The following AGAP1 variants were observed in gnomAD, a reference collection of about 807,000 sequenced individuals.
AGAP1 encodes ArfGAP with GTPase domain, ankyrin repeat and PH domain 1.
Under a neutral mutation model 105.3 loss-of-function variants are expected in AGAP1, and 29 were observed. The ratio of observed to expected loss-of-function variants is 0.28; its 90% CI spans 0.21 to 0.38. The LOEUF is 0.38. Among genes scored for constraint, AGAP1 ranks in the 10% least tolerant of loss-of-function variants. The pLI, the probability that AGAP1 is intolerant of heterozygous loss-of-function variation, is 1.00. For missense variants in AGAP1, 998 were observed against 1,165.1 expected (o/e 0.86, Z 2.09); for synonymous variants, 509 against 485.9 (o/e 1.05, Z -0.63).
rs1440010568 is a variant in AGAP1 at position 235,614,700 on chromosome 2, A to C, written c.164-94479A>C. On this transcript the variant is annotated intron_variant, in intron 1 of 17. Transcript: ENST00000304032. This position sits in a 1 kb window ranked among gnomAD's most constrained non-coding sequence, Gnocchi z 4.7. ...GGCTCAGGGGCAGGGCCCTTTTTCC[A>C]CACGCTTAGGGAAGATACGAGACTG... 6.6e-6 allele frequency among the ~76,000 whole-genome samples: 1 copy of C among 152,008 alleles called. No homozygotes were observed. The highest frequency in any genetic ancestry group is 1.5e-5 in the Non-Finnish European group (1 of 67,996).
Position 235,976,475 on chromosome 2 carries a change from G to A in AGAP1, c.1645+7852G>A, listed in dbSNP as rs533606262. On this transcript the variant is annotated intron_variant, in intron 13 of 17. Transcript: ENST00000304032. The surrounding 1 kb of genome is among the most constrained non-coding windows in gnomAD (Gnocchi z 4.5). ...CGATCACAGCAGGGGCAGCCAGAAC[G>A]GAAGATTCCCATCGTGATGAACCGA... Among the ~76,000 whole-genome samples the A allele has an allele frequency of 2.6e-5, 4 of 152,184 alleles. No homozygotes were observed. Among genetic ancestry groups the A allele is most frequent in the African/African-American group, 7.2e-5 (3 of 41,442 alleles).
At position 235,555,746 on chromosome 2, in the gene AGAP1, G is replaced by A. The variant is rs1456265177; in HGVS notation, c.163+60897G>A. Among the ~76,000 whole-genome samples the A allele has an allele frequency of 1.3e-5, 2 of 152,190 alleles. No individual in the cohort carries two copies. The highest frequency in any genetic ancestry group is 3.9e-4 in the East Asian group (2 of 5,190). ...TTCAGACCGTAGTGAAGCCCTGGTT[G>A]GCTGAAGTGCTCAGGAGAGGAGACT... is the stretch of plus-strand genomic sequence containing the variant. On this transcript the variant is annotated intron_variant, in intron 1 of 17. Transcript: ENST00000304032. This position sits in a 1 kb window ranked among gnomAD's most constrained non-coding sequence, Gnocchi z 5.1.
At chr2:235,853,130 A>AAG in intron 9 of AGAP1, 1 of 1,192,344 alleles carries the variant, frequency 8.4e-7, no homozygotes, top group Non-Finnish European at 1.0e-6. Context: ...AAAGAAAAAA[A>AAG]CATTTACTGG....
chr2:235,599,621 C>A lies in AGAP1; in HGVS notation c.163+104772C>A, dbSNP rs191466548. Among the ~76,000 whole-genome samples, 2 of 152,210 alleles carry A rather than the reference C, an allele frequency of 1.3e-5. No individual in the cohort carries two copies. Among genetic ancestry groups the A allele is most frequent in the Non-Finnish European group, 2.9e-5 (2 of 68,036 alleles). On this transcript the variant is annotated intron_variant, in intron 1 of 17. Transcript: ENST00000304032. The surrounding 1 kb of genome is among the most constrained non-coding windows in gnomAD (Gnocchi z 5.3). ...TCCCCTGCCATGGCCCATGTGGCTC[C>A]GGAAGTTCCTGGGAGTGGCTCGTAG...
chr2:235,898,699 G>T (rs1160687186), intron 10 of AGAP1, among the ~76,000 whole-genome samples: 1 of 152,180 alleles, frequency 6.6e-6, no homozygotes, highest in Admixed American at 6.5e-5. Context: ...AAGCACTTGA[G>T]TATTATCTCA....
intron 9 of AGAP1, among the ~76,000 whole-genome samples, chr2:235,833,964 A>C (rs1238698790): frequency 6.6e-6 from 1 of 151,500 alleles, no homozygotes; most frequent in Non-Finnish European, 1.5e-5. Flanking sequence ...TTGTAAAAAA[A>C]AAAAAAGCCA....
chr2:235,731,462 A>G (rs75479277), intron 3 of AGAP1, among the ~76,000 whole-genome samples: 254 of 152,330 alleles, frequency 1.7e-3, no homozygotes, highest in African/African-American at 5.8e-3. Context: ...TGTAAGGGAA[A>G]AGACGTATCC....
At chr2:235,683,699 CTT>C (rs1269926439) in intron 1 of AGAP1, among the ~76,000 whole-genome samples, 1 of 145,564 alleles carries the variant, frequency 6.9e-6, no homozygotes, top group Non-Finnish European at 1.5e-5. Context: ...CTCTCTCTCT[CTT>C]TTTTTTTTTA....
chr2:235,831,267 G>A (rs1959356823), intron 9 of AGAP1, among the ~76,000 whole-genome samples: 1 of 151,472 alleles, frequency 6.6e-6, no homozygotes. Context: ...GACACCCACA[G>A]CCTCCGCCAT....
chr2:235,507,204 C>T (rs928760603), intron 1 of AGAP1: 7 of 152,684 alleles, frequency 4.6e-5, no homozygotes, highest in Admixed American at 1.3e-4. Context: ...TCCTGCGTGC[C>T]GACTGACTAA....
At chr2:235,594,794 G>A (rs1559275573) in intron 1 of AGAP1, among the ~76,000 whole-genome samples, 1 of 151,224 alleles carries the variant, frequency 6.6e-6, no homozygotes, top group Non-Finnish European at 1.5e-5. Context: ...GGCTGGTCTT[G>A]GACTCCTGGC....
chr2:235,718,802 T>C (rs2149553116), intron 3 of AGAP1, among the ~76,000 whole-genome samples: 1 of 152,296 alleles, frequency 6.6e-6, no homozygotes, highest in African/African-American at 2.4e-5. Flanking sequence ...GGCTTGTATG[T>C]AGGGGTCAAT....
intron 9 of AGAP1, among the ~76,000 whole-genome samples, chr2:235,854,947 C>T (rs866266328): frequency 1.3e-5 from 2 of 152,114 alleles, no homozygotes; most frequent in African/African-American, 4.8e-5. Context: ...GCTCTGACTT[C>T]GTCACGTAGA....
rs1951577605 is a variant in AGAP1, at chr2:235,725,021, G to A, written c.310+7377G>A. Among the ~76,000 whole-genome samples, 1 of 152,154 alleles carries A rather than the reference G, an allele frequency of 6.6e-6. No individual in the cohort carries two copies. The highest frequency in any genetic ancestry group is 1.5e-5 in the Non-Finnish European group (1 of 68,038). On this transcript the variant is annotated intron_variant, in intron 3 of 17. Transcript: ENST00000304032. This position sits in a 1 kb window ranked among gnomAD's most constrained non-coding sequence, Gnocchi z 5.7. ...GACGTCTCGTTTCCAGCATGTCGGG[G>A]GTCAGGCTGTGCTGCACTGAGGCTG...
rs751808494 is a variant in AGAP1, at chr2:235,660,270, G to A, written c.164-48909G>A. Among the ~76,000 whole-genome samples, 4 of 152,116 alleles carry A rather than the reference G, an allele frequency of 2.6e-5. No homozygotes were observed. Among genetic ancestry groups the A allele is most frequent in the Non-Finnish European group, 5.9e-5 (4 of 68,008 alleles). Reference sequence around the variant, plus strand: ...CTGGAGACTTCATAGATAAACTTGCGGGGTCACGGTGAGGGAGGCACTGTG... The same window carrying A: ...CTGGAGACTTCATAGATAAACTTGCAGGGTCACGGTGAGGGAGGCACTGTG... On this transcript the variant is annotated intron_variant, in intron 1 of 17. Coordinates refer to ENST00000304032, the MANE Select transcript of AGAP1 (RefSeq NM_001037131.3). This position sits in a 1 kb window ranked among gnomAD's most constrained non-coding sequence, Gnocchi z 5.3.
At chr2:235,966,457 CT>C (rs1047576753) in intron 12 of AGAP1, among the ~76,000 whole-genome samples, 5 of 152,104 alleles carry the variant, frequency 3.3e-5, no homozygotes, top group Admixed American at 2.6e-4. Flanking sequence ...TTGATGTTAC[CT>C]CTCACCTACC....
At chr2:236,034,175 G>A (rs2057309317) in intron 13 of AGAP1, among the ~76,000 whole-genome samples, 1 of 152,110 alleles carries the variant, frequency 6.6e-6, no homozygotes, top group African/African-American at 2.4e-5. Flanking sequence ...ATAGTACTAG[G>A]ACTTAAAAGC....
In AGAP1 at chr2:235,665,887, C is replaced by T. The variant is rs533005324; in HGVS notation, c.164-43292C>T. On this transcript the variant is annotated intron_variant, in intron 1 of 17. Coordinates refer to ENST00000304032, the MANE Select transcript of AGAP1 (RefSeq NM_001037131.3). This position sits in a 1 kb window ranked among gnomAD's most constrained non-coding sequence, Gnocchi z 5.3. ...AGCAGATGGCTCTGCTGACTGGCTA[C>T]CAGAAGTTTCCTTTAAATAAGGCTT... Among the ~76,000 whole-genome samples the T allele has an allele frequency of 6.6e-6, 1 of 152,252 alleles. No individual in the cohort carries two copies. The highest frequency in any genetic ancestry group is 2.4e-5 in the African/African-American group (1 of 41,554).
chr2:235,664,035 C>T lies in AGAP1; in HGVS notation c.164-45144C>T, dbSNP rs992899170. Among the ~76,000 whole-genome samples, 19 of 152,082 alleles carry T rather than the reference C, an allele frequency of 1.2e-4. No homozygotes were observed. Among genetic ancestry groups the T allele is most frequent in the African/African-American group, 4.1e-4 (17 of 41,412 alleles). ...ACCGCATCCCTCCTGTCCCTGAGCT[C>T]GAAGGCTGAATGGTCGATGGGAGCT... On this transcript the variant is annotated intron_variant, in intron 1 of 17. Coordinates refer to ENST00000304032, the MANE Select transcript of AGAP1 (RefSeq NM_001037131.3). This position sits in a 1 kb window ranked among gnomAD's most constrained non-coding sequence, Gnocchi z 5.7.
Sources: allele counts gnomAD v4.1 joint callset (sites outside exome capture counted in the v4.1 genomes callset), GRCh38; gene constraint gnomAD v4.1.1; non-coding constraint Gnocchi (gnomAD v3.1); transcripts MANE v1.5; gene names NCBI Gene and HGNC (gene_info 2026-07-23, HGNC 2026-07-21).